Variants in ABCD2 observed in about 807,000 individuals in gnomAD.
ABCD2 encodes the protein ATP binding cassette subfamily D member 2.
A neutral mutation model predicts 70.9 loss-of-function variants in ABCD2; 36 were observed. That is an observed-to-expected ratio of 0.51 (90% CI 0.39 to 0.67). The LOEUF is 0.67. Ranked by LOEUF, ABCD2 falls within the 30% of genes least tolerant of loss-of-function variation. The pLI, the probability that ABCD2 is intolerant of heterozygous loss-of-function variation, is 0.00. For missense variants in ABCD2, 729 were observed against 890.2 expected (o/e 0.82, Z 2.30); for synonymous variants, 304 against 306.9 (o/e 0.99, Z 0.10).
At chr12:39,545,130 G>A (rs535304797), downstream of ABCD2, among the ~76,000 whole-genome samples, 1 of 152,214 alleles carries the variant, frequency 6.6e-6, no homozygotes, top group African/African-American at 2.4e-5. Flanking sequence ...AATCATGGTA[G>A]AACTAATTTG....
the ABCD2 span, among the ~76,000 whole-genome samples, chr12:39,538,637 T>G: frequency 6.6e-6 from 1 of 151,722 alleles, no homozygotes; most frequent in African/African-American, 2.4e-5. Context: ...AAGTTAGAGA[T>G]AAATATAGGG....
chr12:39,591,133 G>T (rs1941740517), intron 6 of ABCD2, among the ~76,000 whole-genome samples: 2 of 152,128 alleles, frequency 1.3e-5, no homozygotes, highest in African/African-American at 4.8e-5. Context: ...CGTAGCAAAA[G>T]AAGTTAACAA....
At chr12:39,597,296 T>C (rs968595770) in intron 6 of ABCD2, among the ~76,000 whole-genome samples, 2 of 152,200 alleles carry the variant, frequency 1.3e-5, no homozygotes, top group Admixed American at 6.5e-5. Flanking sequence ...CAATTTATTA[T>C]TTTGATGATT....
chr12:39,534,130 C>T, the ABCD2 span, among the ~76,000 whole-genome samples: 48 of 152,258 alleles, frequency 3.2e-4, no homozygotes, highest in African/African-American at 1.1e-3. Flanking sequence ...CCCCTTACTT[C>T]CAGTTTCACA....
At chr12:39,572,054 C>T (rs1010538087) in intron 9 of ABCD2, among the ~76,000 whole-genome samples, 1 of 152,126 alleles carries the variant, frequency 6.6e-6, no homozygotes, top group Non-Finnish European at 1.5e-5. Flanking sequence ...ACTTGGGTAG[C>T]TGCAATTAAA....
chr12:39,614,073 A>C (rs569530136), intron 2 of ABCD2, among the ~76,000 whole-genome samples: 2 of 152,276 alleles, frequency 1.3e-5, no homozygotes, highest in Admixed American at 1.3e-4. Context: ...TAAGTTTCAC[A>C]TATCTGATCT....
chr12:39,599,790 C>T (rs978399589), intron 6 of ABCD2, among the ~76,000 whole-genome samples: 4 of 152,204 alleles, frequency 2.6e-5, no homozygotes, highest in African/African-American at 7.2e-5. Context: ...TACTATACTT[C>T]CAGCCTAGGC....
At chr12:39,569,002 G>A (rs945938667) in intron 9 of ABCD2, among the ~76,000 whole-genome samples, 4 of 152,110 alleles carry the variant, frequency 2.6e-5, no homozygotes, top group African/African-American at 9.7e-5. Flanking sequence ...TTTCTCAGAG[G>A]AGTACCCAGC....
intron 2 of ABCD2, among the ~76,000 whole-genome samples, chr12:39,616,747 G>A (rs1038836569): frequency 3.9e-5 from 6 of 151,908 alleles, no homozygotes; most frequent in Non-Finnish European, 7.4e-5. Context: ...GGTCAACTCC[G>A]AGAAACACTG....
intron 9 of ABCD2, among the ~76,000 whole-genome samples, chr12:39,572,846 T>C (rs1289766597): frequency 6.6e-6 from 1 of 152,118 alleles, no homozygotes; most frequent in African/African-American, 2.4e-5. Flanking sequence ...AAAGCATATA[T>C]AGAGACAGTT....
chr12:39,616,291 A>G (rs1397761095), intron 2 of ABCD2, among the ~76,000 whole-genome samples: 4 of 152,140 alleles, frequency 2.6e-5, no homozygotes, highest in East Asian at 1.9e-4. Flanking sequence ...ACATTTTAAC[A>G]TTGTCTTTTC....
chr12:39,563,130 C>T (rs1451619115), intron 9 of ABCD2, among the ~76,000 whole-genome samples: 2 of 152,144 alleles, frequency 1.3e-5, no homozygotes, highest in Non-Finnish European at 2.9e-5. Flanking sequence ...GCTAAAAACA[C>T]TCAACAAACT....
chr12:39,616,790 G>A (rs1278141200), intron 2 of ABCD2, among the ~76,000 whole-genome samples, 198 bp downstream of exon 2: 1 of 151,882 alleles, frequency 6.6e-6, no homozygotes, highest in Admixed American at 6.6e-5. Flanking sequence ...TCAGAACTGG[G>A]AACGTCTTTG....
At chr12:39,592,109 G>C (rs1309323785) in intron 6 of ABCD2, among the ~76,000 whole-genome samples, 1 of 152,152 alleles carries the variant, frequency 6.6e-6, no homozygotes, top group Non-Finnish European at 1.5e-5. Flanking sequence ...GAACTAAAAT[G>C]TACAACTTCT....
At chr12:39,613,152 C>T (rs1942067772) in intron 2 of ABCD2, among the ~76,000 whole-genome samples, 1 of 87,530 alleles carries the variant, frequency 1.1e-5, no homozygotes, top group Non-Finnish European at 2.1e-5. Flanking sequence ...TTTGGGAGGC[C>T]GAGGCGGGCG....
At chr12:39,617,671 A>G (rs1276691193) in intron 1 of ABCD2, among the ~76,000 whole-genome samples, 1 of 152,160 alleles carries the variant, frequency 6.6e-6, no homozygotes, top group Non-Finnish European at 1.5e-5. Context: ...TATGAGGTCA[A>G]TTTTCAAGTG....
intron 9 of ABCD2, among the ~76,000 whole-genome samples, chr12:39,555,462 C>A (rs1341204221): frequency 1.3e-5 from 2 of 152,104 alleles, no homozygotes; most frequent in Non-Finnish European, 2.9e-5. Flanking sequence ...GGAAACCAGG[C>A]AAGAGTTCAC....
intron 9 of ABCD2, 97 bp downstream of exon 9, chr12:39,573,619 A>C: frequency 1.5e-6 from 2 of 1,327,054 alleles, no homozygotes; most frequent in African/African-American, 1.5e-5. Context: ...AAATAAGTGA[A>C]ATACCCTACC....
intron 9 of ABCD2, among the ~76,000 whole-genome samples, chr12:39,559,775 C>G (rs1318484716): frequency 6.6e-6 from 1 of 152,128 alleles, no homozygotes; most frequent in South Asian, 2.1e-4. Context: ...CTGTTCTTAG[C>G]AAAATTGTCC....
Sources: allele counts gnomAD v4.1 joint callset (sites outside exome capture counted in the v4.1 genomes callset), GRCh38; gene constraint gnomAD v4.1.1; transcripts MANE v1.5; gene names NCBI Gene and HGNC (gene_info 2026-07-23, HGNC 2026-07-21).